The following TFDP2 variants were observed in gnomAD, a reference collection of about 807,000 sequenced individuals.
TFDP2 encodes transcription factor Dp-2 (E2F dimerization partner 2).
In TFDP2, 17 loss-of-function variants were observed where a neutral mutation model predicts 59.3. That is an observed-to-expected ratio of 0.29 (90% CI 0.20 to 0.43). The LOEUF is 0.43. Ranked by LOEUF, TFDP2 falls within the 20% of genes least tolerant of loss-of-function variation. The pLI, the probability that TFDP2 is intolerant of heterozygous loss-of-function variation, is 1.00. For synonymous variants in TFDP2, 180 were observed against 194.7 expected (o/e 0.92, Z 0.63); for missense variants, 391 against 528.8 (o/e 0.74, Z 2.56).
intron 11 of TFDP2, among the ~76,000 whole-genome samples, chr3:141,953,734 A>G (rs1936205890): frequency 1.3e-5 from 2 of 149,430 alleles, no homozygotes; most frequent in African/African-American, 4.9e-5. Flanking sequence ...TGCACCGATT[A>G]ACTCGTCATT....
chr3:142,089,076 C>G (rs1438476895), intron 3 of TFDP2, among the ~76,000 whole-genome samples: 1 of 151,852 alleles, frequency 6.6e-6, no homozygotes, highest in Non-Finnish European at 1.5e-5. Context: ...TGTTCCACCC[C>G]CCTCAGCCTC....
rs562292593 is a variant in TFDP2, at chr3:141,946,007, T to G, written c.*6506A>C. Reference sequence around the variant, plus strand: ...GCCTAAACCTGACACCACAGCCTCATGCTGGGGCTCGGGAAAGGAGTCCCA... The same window carrying G: ...GCCTAAACCTGACACCACAGCCTCAGGCTGGGGCTCGGGAAAGGAGTCCCA... On this transcript the variant is annotated 3_prime_UTR_variant, in exon 13 of 13. Transcript: ENST00000489671. The G allele has an allele frequency of 1.3e-5, 2 of 152,392 alleles. No homozygotes were observed. Among genetic ancestry groups the G allele is most frequent in the African/African-American group, 4.8e-5 (2 of 41,586 alleles). 9.4% of individuals were successfully genotyped at this position (152,392 alleles called of 1,614,324 possible).
chr3:141,996,454 C>T (rs974960134), intron 4 of TFDP2, among the ~76,000 whole-genome samples: 2 of 152,138 alleles, frequency 1.3e-5, no homozygotes, highest in African/African-American at 4.8e-5. Context: ...ACAGGGACTA[C>T]AAGTAATTGT....
At chr3:141,962,898 TC>T (rs1323076638) in intron 10 of TFDP2, among the ~76,000 whole-genome samples, 1 of 152,186 alleles carries the variant, frequency 6.6e-6, no homozygotes, top group Non-Finnish European at 1.5e-5. Flanking sequence ...CATTAATAAA[TC>T]CCTATTTGAA....
intron 11 of TFDP2, among the ~76,000 whole-genome samples, chr3:141,958,010 C>T (rs554571459): frequency 6.6e-6 from 1 of 152,220 alleles, no homozygotes; most frequent in African/African-American, 2.4e-5. Flanking sequence ...ACAATGGTAT[C>T]ATTTCAGACC....
intron 1 of TFDP2, among the ~76,000 whole-genome samples, chr3:142,124,893 A>C (rs1209045981): frequency 6.6e-6 from 1 of 152,218 alleles, no homozygotes; most frequent in Non-Finnish European, 1.5e-5. Context: ...GGCAAAGAAT[A>C]TATAACAGAA....
intron 3 of TFDP2, among the ~76,000 whole-genome samples, chr3:142,091,719 T>C (rs1366814455): frequency 6.6e-6 from 1 of 152,142 alleles, no homozygotes; most frequent in Admixed American, 6.5e-5. Flanking sequence ...TGGAGAGAGA[T>C]GGATGGTTTC....
At chr3:142,115,231 T>C (rs973731801) in intron 1 of TFDP2, among the ~76,000 whole-genome samples, 2 of 152,042 alleles carry the variant, frequency 1.3e-5, no homozygotes, top group African/African-American at 4.8e-5. Context: ...AATCTCCGCA[T>C]CTGAACACCT....
intron 8 of TFDP2, 54 bp from the exon 9 acceptor site, chr3:141,970,195 G>A (rs972896391): frequency 2.1e-5 from 33 of 1,543,666 alleles, no homozygotes; most frequent in East Asian, 1.3e-4. Context: ...ATAAAATATC[G>A]TTCACTTTCC....
At chr3:142,038,240 C>T (rs1946779699) in intron 3 of TFDP2, among the ~76,000 whole-genome samples, 1 of 151,932 alleles carries the variant, frequency 6.6e-6, no homozygotes, top group African/African-American at 2.4e-5. Flanking sequence ...AAAGATTAGT[C>T]GGGAGTAGTG....
At position 142,002,727 on chromosome 3, in the gene TFDP2, T is replaced by C. The variant is rs189085182; in HGVS notation, c.186+2714A>G. 2.1e-3 allele frequency among the ~76,000 whole-genome samples: 314 copies of C among 152,276 alleles called. 2 individuals are homozygous for C. Among genetic ancestry groups the C allele is most frequent in the Middle Eastern group, 0.014 (4 of 294 alleles). ...CTGAACTCTTCCAGCCTCTGCCCAT[T>C]ATCCAGTTCCAAAGCCACTTCTACA... On this transcript the variant is annotated intron_variant, in intron 4 of 12. Coordinates refer to ENST00000489671, the MANE Select transcript of TFDP2 (RefSeq NM_001178139.2).
intron 6 of TFDP2, among the ~76,000 whole-genome samples, chr3:141,981,368 G>A (rs947803365): frequency 2.0e-4 from 30 of 152,162 alleles, no homozygotes; most frequent in African/African-American, 3.6e-4. Context: ...CGATGAAATC[G>A]CCTAATGAAG....
intron 4 of TFDP2, chr3:141,995,347 G>A (rs1943170889): frequency 2.5e-6 from 1 of 397,390 alleles, no homozygotes; most frequent in Non-Finnish European, 4.4e-6. Context: ...ATACTGACAT[G>A]AGGTCACAAT....
intron 3 of TFDP2, among the ~76,000 whole-genome samples, chr3:142,091,088 T>A (rs2060981735): frequency 6.6e-6 from 1 of 152,170 alleles, no homozygotes. Context: ...TACAAAAGAA[T>A]GGAGTCCCTC....
At chr3:141,999,096 G>T (rs1943541444) in intron 4 of TFDP2, among the ~76,000 whole-genome samples, 1 of 152,088 alleles carries the variant, frequency 6.6e-6, no homozygotes, top group African/African-American at 2.4e-5. Context: ...ACTTATACAT[G>T]GATTTTCTTC....
chr3:142,083,260 G>C (rs990045330), intron 3 of TFDP2, among the ~76,000 whole-genome samples: 2 of 152,014 alleles, frequency 1.3e-5, no homozygotes, highest in African/African-American at 2.4e-5. Flanking sequence ...CCCATTTATA[G>C]TAGATACAAA....
chr3:142,097,826 C>T (rs920266808), intron 2 of TFDP2, among the ~76,000 whole-genome samples: 2 of 152,218 alleles, frequency 1.3e-5, no homozygotes, highest in Non-Finnish European at 2.9e-5. Context: ...GTCCCTATTG[C>T]CCAGGCTAGA....
At chr3:142,083,771 T>C (rs988971245) in intron 3 of TFDP2, among the ~76,000 whole-genome samples, 42 of 152,276 alleles carry the variant, frequency 2.8e-4, no homozygotes, top group African/African-American at 9.9e-4. Context: ...GTTTCTTCAA[T>C]AAACAGTGCT....
chr3:142,082,219 T>C (rs1189837756), intron 3 of TFDP2, among the ~76,000 whole-genome samples: 4 of 152,192 alleles, frequency 2.6e-5, no homozygotes, highest in Admixed American at 2.6e-4. Context: ...TGCCTGATGA[T>C]GATCTGTCAC....
Sources: allele counts gnomAD v4.1 joint callset (sites outside exome capture counted in the v4.1 genomes callset), GRCh38; gene constraint gnomAD v4.1.1; transcripts MANE v1.5; gene names NCBI Gene and HGNC (gene_info 2026-07-23, HGNC 2026-07-21).